Variants in TMPRSS9 observed in about 807,000 individuals in gnomAD.
TMPRSS9 encodes the protein transmembrane serine protease 9.
A neutral mutation model predicts 111.4 loss-of-function variants in TMPRSS9; 113 were observed. That is an observed-to-expected ratio of 1.01 (90% CI 0.87 to 1.19). TMPRSS9 has a LOEUF of 1.19. Ranked by LOEUF, TMPRSS9 falls within the 50% of genes most tolerant of loss-of-function variation. The pLI is 0.00. For missense variants in TMPRSS9, 1,803 were observed against 1,513.1 expected, an observed-to-expected ratio of 1.19 and a Z score of -3.18; for synonymous variants, 805 against 659.1, an observed-to-expected ratio of 1.22 and a Z score of -3.39.
intron 13 of TMPRSS9, 61 bp from the exon 15 acceptor site, chr19:2,421,793 G>A: frequency 6.6e-7 from 1 of 1,517,554 alleles, no homozygotes; most frequent in South Asian, 1.3e-5. Context: ...AGGAGGGTAT[G>A]GCAGTGCTGG....
upstream of TMPRSS9, among the ~76,000 whole-genome samples, chr19:2,386,636 G>A (rs954752735): frequency 2.0e-5 from 3 of 152,302 alleles, no homozygotes; most frequent in Non-Finnish European, 2.9e-5. Context: ...CACGTGGTCG[G>A]CTGCTTTAGC....
chr19:2,414,027 G>C lies in TMPRSS9; in HGVS notation c.1573+9G>C. 1 of 1,549,342 alleles carries C rather than the reference G, an allele frequency of 6.5e-7. No individual in the cohort carries two copies. The highest frequency in any genetic ancestry group is 8.7e-7 in the Non-Finnish European group (1 of 1,142,938). The stretch of plus-strand genomic sequence containing the variant: ...CGTTCCTAAGCTACAAGGTATTTTC[G>C]GGGCAGAAAGGTAGAAGATGATGTA... On this transcript the variant is annotated intron_variant, in intron 10 of 17. Transcript: ENST00000648592.
intron 1 of TMPRSS9, among the ~76,000 whole-genome samples, chr19:2,380,974 C>T (rs1970380998): frequency 6.6e-6 from 1 of 152,060 alleles, no homozygotes; most frequent in South Asian, 2.1e-4. Flanking sequence ...TCAGAAAACC[C>T]TCCCCTGACG....
chr19:2,396,794 C>T, intron 2 of TMPRSS9, 128 bp downstream of exon 3: 2 of 1,349,652 alleles, frequency 1.5e-6, no homozygotes, highest in Non-Finnish European at 2.0e-6. Context: ...GGCTGTGAGA[C>T]CGGGAGGCCA....
chr19:2,408,466 A>G, exon 8 of TMPRSS9: 1 of 1,613,914 alleles, frequency 6.2e-7, no homozygotes, highest in African/African-American at 1.3e-5. Flanking sequence ...CACCCCCTGT[A>G]CAACGCGGAC....
At chr19:2,393,498 A>C (rs1970642693) in intron 1 of TMPRSS9, among the ~76,000 whole-genome samples, 1 of 152,114 alleles carries the variant, frequency 6.6e-6, no homozygotes, top group Non-Finnish European at 1.5e-5. Flanking sequence ...GAAATGTAAC[A>C]CTCAGCGTGA....
chr19:2,382,994 C>G (rs570726986), intron 1 of TMPRSS9, among the ~76,000 whole-genome samples: 1 of 152,150 alleles, frequency 6.6e-6, no homozygotes, highest in African/African-American at 2.4e-5. Context: ...TTAAGGCCTT[C>G]GACTGATTGG....
exon 10 of TMPRSS9, chr19:2,413,942 G>A: frequency 6.2e-7 from 1 of 1,612,014 alleles, no homozygotes; most frequent in South Asian, 1.1e-5. Context: ...AGAGCCCTGT[G>A]GTCAGCACCC....
intron 7 of TMPRSS9, among the ~76,000 whole-genome samples, chr19:2,406,443 CAGCCTCCCAAGT>C (rs1970972046): frequency 6.6e-6 from 1 of 152,030 alleles, no homozygotes; most frequent in Non-Finnish European, 1.5e-5. Context: ...TCTCTTGCCT[CAGCCTCCCAAGT>C]AGCTGGGACT....
intron 13 of TMPRSS9, among the ~76,000 whole-genome samples, 181 bp downstream of exon 14, chr19:2,418,319 C>CTT (rs1168336908): frequency 1.3e-4 from 5 of 39,656 alleles, no homozygotes; most frequent in East Asian, 8.7e-4. Context: ...CCCTCCCTCC[C>CTT]TCCCTCCCTC....
At chr19:2,396,491 T>G in intron 1 of TMPRSS9, 48 bp from the exon 3 acceptor site, 1 of 1,537,698 alleles carries the variant, frequency 6.5e-7, no homozygotes. Context: ...AGCGGAGCCC[T>G]GAGCCCCCAA....
At chr19:2,420,105 T>G (rs1333819749) in intron 13 of TMPRSS9, among the ~76,000 whole-genome samples, 1 of 151,886 alleles carries the variant, frequency 6.6e-6, no homozygotes. Context: ...TAGGCTGCAG[T>G]AAACTGTGAT....
intron 7 of TMPRSS9, among the ~76,000 whole-genome samples, chr19:2,407,089 T>G (rs1187976414): frequency 6.6e-6 from 1 of 151,752 alleles, no homozygotes; most frequent in Non-Finnish European, 1.5e-5. Flanking sequence ...TGTGAGCCAC[T>G]GCACCCGGCT....
chr19:2,411,052 C>T (rs191587507), intron 9 of TMPRSS9, among the ~76,000 whole-genome samples: 3 of 152,078 alleles, frequency 2.0e-5, no homozygotes, highest in Non-Finnish European at 4.4e-5. Context: ...GTAATCCCAG[C>T]ACTATGCGAG....
At chr19:2,420,441 C>CGA (rs763975307) in intron 13 of TMPRSS9, among the ~76,000 whole-genome samples, 2 of 106,150 alleles carry the variant, frequency 1.9e-5, no homozygotes, top group African/African-American at 7.4e-5. Flanking sequence ...GACTCCACCT[C>CGA]AAAAAAAAAA....
chr19:2,374,307 T>A (rs1401985420), intron 1 of TMPRSS9, among the ~76,000 whole-genome samples: 2 of 131,880 alleles, frequency 1.5e-5, no homozygotes, highest in Non-Finnish European at 3.1e-5. Flanking sequence ...GCGCGGTGGC[T>A]CACGCCTGTA....
intron 1 of TMPRSS9, among the ~76,000 whole-genome samples, chr19:2,394,628 G>T (rs937786030): frequency 6.6e-6 from 1 of 151,874 alleles, no homozygotes; most frequent in South Asian, 2.1e-4. Flanking sequence ...AAAACATACC[G>T]TTTTTAGAAT....
At position 2,408,386 on chromosome 19, in the gene TMPRSS9, C is replaced by A; in HGVS notation, c.873C>A (p.Tyr291Ter). Reference sequence around the variant, plus strand: ...AAGACCCGACGAAGTGGGTGGCCTACGTGGGTGCGACCTACCTCAGCGGCT... The same window carrying A: ...AAGACCCGACGAAGTGGGTGGCCTAAGTGGGTGCGACCTACCTCAGCGGCT... The change falls in exon 8 of 18, where the codon TAC (tyrosine) becomes TAA (stop). Residue 291 changes from tyrosine (Y) to a stop codon, truncating the protein, a stop_gained. Transcript: ENST00000648592. LOFTEE classifies it high-confidence loss of function. The A allele has an allele frequency of 1.2e-6, 2 of 1,613,762 alleles. No individual in the cohort carries two copies. The highest frequency in any genetic ancestry group is 1.1e-5 in the South Asian group (1 of 91,062).
exon 10 of TMPRSS9, chr19:2,413,979 A>G: frequency 6.2e-7 from 1 of 1,607,634 alleles, no homozygotes; most frequent in Non-Finnish European, 8.5e-7. Flanking sequence ...GGCCCTCAGT[A>G]CCGTGCCTCT....
Sources: allele counts gnomAD v4.1 joint callset (sites outside exome capture counted in the v4.1 genomes callset), GRCh38; gene constraint gnomAD v4.1.1; transcripts MANE v1.5; gene names NCBI Gene and HGNC (gene_info 2026-07-23, HGNC 2026-07-21).